Variants in F11 observed in about 807,000 individuals in gnomAD.
F11 encodes the protein coagulation factor XI, also known as coagualtion factor XI.
A neutral mutation model predicts 76.5 loss-of-function variants in F11; 78 were observed. That is an observed-to-expected ratio of 1.02 (90% CI 0.85 to 1.23). The LOEUF (loss-of-function observed/expected upper bound fraction) is 1.23. F11 is among the 50% of genes most tolerant of loss of function. The pLI, the probability that F11 is intolerant of heterozygous loss-of-function variation, is 0.00. For missense variants in F11, 742 were observed against 771.4 expected (o/e 0.96, Z 0.45); for synonymous variants, 278 against 276.3 (o/e 1.01, Z -0.06).
intron 14 of F11, 48 bp from the exon 15 acceptor site, chr4:186,288,405 A>T (rs5966): frequency 6.2e-7 from 1 of 1,612,478 alleles, no homozygotes. Context: ...GAAGATGGGA[A>T]GCGTCTGAGT....
chr4:186,272,672 T>A (rs1156557211), intron 3 of F11, among the ~76,000 whole-genome samples: 3 of 152,222 alleles, frequency 2.0e-5, no homozygotes, highest in Non-Finnish European at 4.4e-5. Flanking sequence ...AGAGTAAATA[T>A]GTTAGGCTTT....
intron 5 of F11, 59 bp from the exon 6 acceptor site, chr4:186,275,728 T>A: frequency 7.9e-7 from 1 of 1,272,564 alleles, no homozygotes; most frequent in South Asian, 1.3e-5. Context: ...TAATATCTCA[T>A]GTTTTTTCCT....
At chr4:186,270,648 TGC>T (rs1491433982) in intron 2 of F11, among the ~76,000 whole-genome samples, 1 of 54,924 alleles carries the variant, frequency 1.8e-5, no homozygotes, top group Admixed American at 1.9e-4. Flanking sequence ...TAGTGCATGA[TGC>T]ACACACACAC....
chr4:186,288,490 A>G lies in F11; in HGVS notation c.1754A>G (p.Glu585Gly), dbSNP rs535675347. Reference sequence around the variant, plus strand: ...GGCCCTCTGTCCTGCAAACACAATGAGGTCTGGCATCTGGTAGGCATCACG... The same window carrying G: ...GGCCCTCTGTCCTGCAAACACAATGGGGTCTGGCATCTGGTAGGCATCACG... ...SGGPLSCKHN[E>G]VWHLVGITSW... Residue 585 changes from glutamate (E) to glycine (G), a missense_variant, in exon 15 of 15, where the codon GAG (glutamate) becomes GGG (glycine). By Grantham distance (98) the Glu-to-Gly change is moderately conservative. Coordinates refer to ENST00000403665, the MANE Select transcript of F11 (RefSeq NM_000128.4). 8.7e-6 allele frequency: 14 copies of G among 1,614,126 alleles called. No homozygotes were observed. In the African/African-American group the frequency reaches 9.3e-5, roughly 11 times the overall value.
chr4:186,289,951 G>A (rs187061659), downstream of F11, among the ~76,000 whole-genome samples: 47 of 152,252 alleles, frequency 3.1e-4, 1 homozygote, highest in Admixed American at 1.9e-3. Flanking sequence ...AAAGTGCTGG[G>A]ATTACAGGTG....
In F11 at chr4:186,275,981, G is replaced by A. The variant is rs1044176247; in HGVS notation, c.595+85G>A. The A allele has an allele frequency of 8.5e-6, 10 of 1,178,184 alleles. No individual in the cohort carries two copies. The South Asian group carries it at 1.3e-4, about 15-fold the overall frequency. The allele number at this position is 1,178,184 out of a possible 1,614,324, so 73.0% of individuals were successfully genotyped here. A position where few individuals can be genotyped will look rare whatever the true frequency, so the allele number is the denominator to read the frequency against. On this transcript the variant is annotated intron_variant, in intron 6 of 14. Coordinates refer to ENST00000403665, the MANE Select transcript of F11 (RefSeq NM_000128.4). ...GATCTCACTCAGGATACCAGCTTAT[G>A]CTCACGATGAAACGGACCCAAAGAT...
At chr4:186,282,968 C>T (rs1037468012) in intron 10 of F11, 1 of 985,210 alleles carries the variant, frequency 1.0e-6, no homozygotes, top group Non-Finnish European at 1.2e-6. Context: ...CTTCTAGGAC[C>T]CGGCTTCTCA....
rs766473243 is a variant in F11 at position 186,288,435 on chromosome 4, T to C, written c.1717-18T>C. 1.9e-6 allele frequency: 3 copies of C among 1,614,002 alleles called. No individual in the cohort carries two copies. Among genetic ancestry groups the C allele is most frequent in the South Asian group, 1.1e-5 (1 of 91,076 alleles). On this transcript the variant is annotated intron_variant, in intron 14 of 14. Coordinates refer to ENST00000403665, the MANE Select transcript of F11 (RefSeq NM_000128.4). ...CTGAGTTGATCTGTGCACCTTTTCTTGTCTCCCCTCGTTCTAGGGAGATTC... is the reference window on the plus strand; with the variant it reads ...CTGAGTTGATCTGTGCACCTTTTCTCGTCTCCCCTCGTTCTAGGGAGATTC...
intron 1 of F11, among the ~76,000 whole-genome samples, chr4:186,266,606 C>T (rs1455099800): frequency 6.6e-6 from 1 of 152,162 alleles, no homozygotes; most frequent in African/African-American, 2.4e-5. Flanking sequence ...TTTCCTAGAG[C>T]AGTCTGTTTA....
Position 186,288,467 on chromosome 4 carries a change from C to T in F11, c.1731C>T (p.Gly577=), listed in dbSNP as rs779767412. The change falls in exon 15 of 15, where the codon GGC becomes GGT. Residue 577 remains glycine (G), a synonymous_variant. Coordinates refer to ENST00000403665, the MANE Select transcript of F11 (RefSeq NM_000128.4). ...CCTCGTTCTAGGGAGATTCGGGAGGCCCTCTGTCCTGCAAACACAATGAGG... is the reference window on the plus strand; with the variant it reads ...CCTCGTTCTAGGGAGATTCGGGAGGTCCTCTGTCCTGCAAACACAATGAGG... ...GKDACKGDSG[G]PLSCKHNEVW... 3 of 1,613,992 alleles carry T rather than the reference C, an allele frequency of 1.9e-6. No individual in the cohort carries two copies. The highest frequency in any genetic ancestry group is 1.3e-5 in the African/African-American group (1 of 74,928).
intron 2 of F11, among the ~76,000 whole-genome samples, chr4:186,270,987 T>A (rs1420898503): frequency 6.6e-6 from 1 of 151,936 alleles, no homozygotes; most frequent in Non-Finnish European, 1.5e-5. Context: ...ATTACACGCA[T>A]GAGCCACTGC....
Position 186,271,663 on chromosome 4 carries a change from C to A in F11, c.110C>A (p.Thr37Lys), listed in dbSNP as rs1377806811. 1 of 1,614,026 alleles carries A rather than the reference C, an allele frequency of 6.2e-7. No individual in the cohort carries two copies. The highest frequency in any genetic ancestry group is 1.3e-5 in the African/African-American group (1 of 74,918). Residue 37 changes from threonine (T) to lysine (K), a missense_variant, in exon 3 of 15, where the codon ACG (threonine) becomes AAG (lysine). Transcript: ENST00000403665. ...TGCTTTGAAGGAGGGGACATTACTACGGTCTTCACACCAAGCGCCAAGTAC... is the reference window on the plus strand; with the variant it reads ...TGCTTTGAAGGAGGGGACATTACTAAGGTCTTCACACCAAGCGCCAAGTAC... ...DTCFEGGDIT[T>K]VFTPSAKYCQ... is the part of the protein sequence containing the mutation.
Position 186,284,224 on chromosome 4 carries a change from A to G in F11, c.1268A>G (p.Asn423Ser). Residue 423 changes from asparagine (N) to serine (S), a missense_variant, in exon 11 of 15, where the codon AAC becomes AGC. Physicochemically the swap from Asn to Ser is conservative, Grantham distance 46. Transcript: ENST00000403665. ...CTGTGTGGAGGCTCCATCATTGGAA[A>G]CCAGTGGATATTAACAGCCGCTCAC... ...RHLCGGSIIG[N>S]QWILTAAHCF... 6.2e-7 allele frequency: 1 copy of G among 1,614,150 alleles called. No individual in the cohort carries two copies.
In F11 at chr4:186,274,060, T is replaced by C. The variant is rs1263410813; in HGVS notation, c.326-56T>C. 9 of 1,603,664 alleles carry C rather than the reference T, an allele frequency of 5.6e-6. No homozygotes were observed. The Admixed American group carries it at 1.5e-4, about 27-fold the overall frequency. On this transcript the variant is annotated intron_variant, in intron 4 of 14. Transcript: ENST00000403665. ...GGATGAGTCAGGAGGGACAGTTGCT[T>C]AGGTCATTGCCCCTAGAATCTGGAA...
chr4:186,275,117 T>C, intron 5 of F11: 1 of 455,064 alleles, frequency 2.2e-6, no homozygotes, highest in Non-Finnish European at 4.4e-6. Context: ...ACAGCTTTTA[T>C]GTCTAAGACT....
At chr4:186,270,299 C>T (rs570897125) in intron 2 of F11, among the ~76,000 whole-genome samples, 2 of 152,344 alleles carry the variant, frequency 1.3e-5, no homozygotes, top group South Asian at 4.1e-4. Flanking sequence ...ATGTGTTCCA[C>T]ATCCATGCAC....
At chr4:186,281,424 G>A (rs1436778703) in intron 10 of F11, among the ~76,000 whole-genome samples, 1 of 152,170 alleles carries the variant, frequency 6.6e-6, no homozygotes, top group Non-Finnish European at 1.5e-5. Context: ...AATGAGTGTG[G>A]TAGGATGGAA....
intron 3 of F11, among the ~76,000 whole-genome samples, chr4:186,272,697 C>T (rs1283955309): frequency 6.6e-6 from 1 of 152,178 alleles, no homozygotes; most frequent in Admixed American, 6.5e-5. Flanking sequence ...GCAAAACCCA[C>T]AGTAAAGCCA....
intron 10 of F11, chr4:186,281,845 C>A: frequency 1.7e-6 from 2 of 1,189,768 alleles, no homozygotes; most frequent in South Asian, 1.6e-5. Context: ...CGAATCAATC[C>A]TTAATTTCTG....
Sources: gnomAD v4.1 joint callset for allele counts (sites outside exome capture counted in the v4.1 genomes callset) on GRCh38, gnomAD v4.1.1 for gene constraint, MANE v1.5 for transcripts, NCBI Gene and HGNC (gene_info 2026-07-23, HGNC 2026-07-21) for gene names.